KIZ: variants seen among roughly 807,000 people sequenced by gnomAD.
KIZ encodes centrosomal protein kizuna.
Under a neutral mutation model 79.6 loss-of-function variants are expected in KIZ, and 68 were observed. The observed-to-expected ratio is 0.85, with a 90% CI of 0.70 to 1.05. KIZ has a LOEUF of 1.05. Ranked by LOEUF, KIZ falls within the 50% of genes least tolerant of loss-of-function variation. The pLI, the probability that KIZ is intolerant of heterozygous loss-of-function variation, is 0.00. For missense variants in KIZ, 797 were observed against 800.4 expected (o/e 1.00, Z 0.05); for synonymous variants, 280 against 281.8 (o/e 0.99, Z 0.06).
chr20:21,146,811 T>A (rs2032870892), intron 4 of KIZ, among the ~76,000 whole-genome samples: 2 of 152,078 alleles, frequency 1.3e-5, no homozygotes, highest in South Asian at 4.1e-4. Context: ...TTCGTTTTCC[T>A]TCCTCATAGA....
At chr20:21,178,800 A>C (rs931998748) in intron 6 of KIZ, among the ~76,000 whole-genome samples, 1 of 152,142 alleles carries the variant, frequency 6.6e-6, no homozygotes, top group Non-Finnish European at 1.5e-5. Flanking sequence ...GAATTTTGTC[A>C]AACAGTTATT....
chr20:21,162,204 G>A lies in KIZ; in HGVS notation c.739G>A (p.Glu247Lys), dbSNP rs1349197215. 2 of 1,613,450 alleles carry A rather than the reference G, an allele frequency of 1.2e-6. No individual in the cohort carries two copies. Among genetic ancestry groups the A allele is most frequent in the Non-Finnish European group, 1.7e-6 (2 of 1,179,744 alleles). Residue 247 changes from glutamate (E) to lysine (K), a missense_variant, in exon 5 of 13, where the codon GAA (glutamate) becomes AAA (lysine). Glu to Lys is a moderately conservative substitution (Grantham distance 56). Transcript: ENST00000619189. Reference sequence around the variant, plus strand: ...CACAGCCAGTGTATTGTCTGAGGAGGAACAAACTCATTGCTTGGAGATAGG... The same window carrying A: ...CACAGCCAGTGTATTGTCTGAGGAGAAACAAACTCATTGCTTGGAGATAGG... ...PVTASVLSEE[E>K]QTHCLEIGSN...
chr20:21,189,546 A>T (rs117363166), intron 6 of KIZ, among the ~76,000 whole-genome samples: 1 of 152,316 alleles, frequency 6.6e-6, no homozygotes, highest in East Asian at 1.9e-4. Context: ...AAACTTTTTT[A>T]AAAAGTCATA....
chr20:21,233,585 A>G (rs1001746024), intron 11 of KIZ, among the ~76,000 whole-genome samples: 1 of 152,220 alleles, frequency 6.6e-6, no homozygotes, highest in African/African-American at 2.4e-5. Flanking sequence ...GCTCAGTAAA[A>G]AGGTGTCCTT....
intron 3 of KIZ, among the ~76,000 whole-genome samples, chr20:21,143,110 A>G (rs1399173107): frequency 6.6e-6 from 1 of 152,142 alleles, no homozygotes; most frequent in Non-Finnish European, 1.5e-5. Flanking sequence ...CAGATATTGG[A>G]AAAAAATAGG....
rs984170138 is a variant in KIZ, at chr20:21,202,713, T to A, written c.1353-2778T>A. Among the ~76,000 whole-genome samples, 4 of 152,356 alleles carry A rather than the reference T, an allele frequency of 2.6e-5. 1 individual carries two copies. On this transcript the variant is annotated intron_variant, in intron 6 of 12. Transcript: ENST00000619189. ...AGGAATCATAGGGTGGACATCCATATACACACCGCCCAGATTGTACTCCTG... is the reference window on the plus strand; with the variant it reads ...AGGAATCATAGGGTGGACATCCATAAACACACCGCCCAGATTGTACTCCTG...
intron 6 of KIZ, among the ~76,000 whole-genome samples, chr20:21,175,014 C>T (rs1048447258): frequency 3.9e-5 from 6 of 152,244 alleles, no homozygotes; most frequent in African/African-American, 1.4e-4. Flanking sequence ...TGTCTGTTTT[C>T]ATCAGCACAG....
At position 21,162,774 on chromosome 20, in the gene KIZ, G is replaced by A. The variant is rs1308228020; in HGVS notation, c.1043-76G>A. On this transcript the variant is annotated intron_variant, in intron 5 of 12. Transcript: ENST00000619189. ...TTGCTTCTCCATGTTTTTAACTGAT[G>A]AGTAATTCTGCTGTGTGTTACCTTG... 3.4e-6 allele frequency: 4 copies of A among 1,162,250 alleles called. No homozygotes were observed. The East Asian group carries it at 9.7e-5, about 28-fold the overall frequency. 72.0% of individuals were successfully genotyped at this position (1,162,250 alleles called of 1,614,324 possible).
chr20:21,162,608 C>A (rs2033730795), intron 5 of KIZ, 101 bp downstream of exon 5: 1 of 969,580 alleles, frequency 1.0e-6, no homozygotes, highest in South Asian at 1.7e-5. Context: ...AAAATAGTAT[C>A]TTTGCCAACA....
intron 6 of KIZ, among the ~76,000 whole-genome samples, chr20:21,181,946 T>C (rs1004511713): frequency 6.6e-6 from 1 of 152,202 alleles, no homozygotes; most frequent in African/African-American, 2.4e-5. Context: ...TGGAGTTGGT[T>C]GGTACTGCCC....
intron 11 of KIZ, among the ~76,000 whole-genome samples, chr20:21,241,391 C>T (rs922038377): frequency 7.9e-5 from 12 of 152,220 alleles, no homozygotes; most frequent in Non-Finnish European, 1.3e-4. Flanking sequence ...CTGGAAAGTA[C>T]GCTCTGCCCT....
chr20:21,244,126 A>C (rs1309090874), intron 11 of KIZ, 119 bp from the exon 12 acceptor site: 2 of 722,630 alleles, frequency 2.8e-6, no homozygotes, highest in Non-Finnish European at 4.9e-6. Context: ...CTGGGAAGTA[A>C]GTGTAAAGTT....
At chr20:21,202,293 T>G (rs983126561) in intron 6 of KIZ, 2 of 152,240 alleles carry the variant, frequency 1.3e-5, no homozygotes, top group African/African-American at 2.4e-5. Context: ...ATAGTTGACT[T>G]ACTTATTATA....
At chr20:21,172,611 T>G in intron 6 of KIZ, among the ~76,000 whole-genome samples, 1 of 150,590 alleles carries the variant, frequency 6.6e-6, no homozygotes, top group Non-Finnish European at 1.5e-5. Context: ...AAAAAAAAAG[T>G]ATTATGATGA....
intron 3 of KIZ, among the ~76,000 whole-genome samples, chr20:21,139,380 T>C (rs772901370): frequency 1.2e-4 from 18 of 152,124 alleles, no homozygotes; most frequent in Non-Finnish European, 2.1e-4. Flanking sequence ...AACCAAGATA[T>C]ATGGTTAAAT....
intron 1 of KIZ, among the ~76,000 whole-genome samples, chr20:21,128,489 C>T (rs1203234307): frequency 6.6e-6 from 1 of 152,156 alleles, no homozygotes; most frequent in Non-Finnish European, 1.5e-5. Context: ...CTTTCTCAGC[C>T]CTTTTAGAGG....
At chr20:21,132,861 G>T (rs1426524978) in intron 2 of KIZ, 1 of 152,186 alleles carries the variant, frequency 6.6e-6, no homozygotes, top group Non-Finnish European at 1.5e-5. Flanking sequence ...TACTACTGTA[G>T]GCAGGATTAC....
chr20:21,195,614 G>C (rs1322911968), intron 6 of KIZ: 1 of 152,216 alleles, frequency 6.6e-6, no homozygotes, highest in Non-Finnish European at 1.5e-5. Flanking sequence ...TAAGCTTGGA[G>C]ATCATAAGCT....
intron 9 of KIZ, chr20:21,218,484 T>G (rs2036385463): frequency 6.6e-6 from 1 of 152,196 alleles, no homozygotes; most frequent in Non-Finnish European, 1.5e-5. Flanking sequence ...TAATACATAT[T>G]TTGTTGCCCA....
Sources: allele counts gnomAD v4.1 joint callset (sites outside exome capture counted in the v4.1 genomes callset), GRCh38; gene constraint gnomAD v4.1.1; transcripts MANE v1.5; gene names NCBI Gene and HGNC (gene_info 2026-07-23, HGNC 2026-07-21).